The following ITGB1BP1 variants were observed in gnomAD, a reference collection of about 807,000 sequenced individuals.
ITGB1BP1 encodes integrin beta-1-binding protein 1.
Under a neutral mutation model 28.0 loss-of-function variants are expected in ITGB1BP1, and 20 were observed. The ratio of observed to expected loss-of-function variants is 0.71; its 90% CI spans 0.50 to 1.04. The LOEUF (loss-of-function observed/expected upper bound fraction) is 1.04, where lower values mean the gene tolerates loss of function less well. ITGB1BP1 is among the 50% of genes least tolerant of loss of function. The pLI, the probability that ITGB1BP1 is intolerant of heterozygous loss-of-function variation, is 0.00. For missense variants in ITGB1BP1, 228 were observed against 242.5 expected (o/e 0.94, Z 0.40); for synonymous variants, 103 against 89.5 (o/e 1.15, Z -0.85).
At chr2:9,421,888 C>T (rs369351662) in intron 1 of ITGB1BP1, among the ~76,000 whole-genome samples, 1 of 151,982 alleles carries the variant, frequency 6.6e-6, no homozygotes, top group African/African-American at 2.4e-5. Flanking sequence ...TCATGATTTC[C>T]TTGCTGTCCT....
At chr2:9,414,485 C>A (rs769958909) in intron 2 of ITGB1BP1, among the ~76,000 whole-genome samples, 1 of 152,158 alleles carries the variant, frequency 6.6e-6, no homozygotes, top group Non-Finnish European at 1.5e-5. Context: ...GACATAATAT[C>A]GGATAAATGC....
chr2:9,423,114 T>C, intron 1 of ITGB1BP1: 1 of 1,011,946 alleles, frequency 9.9e-7, no homozygotes, highest in Non-Finnish European at 1.2e-6. Context: ...GCCGCCCGCC[T>C]TGCCGCCCCT....
At chr2:9,414,751 A>G (rs920126007) in intron 2 of ITGB1BP1, among the ~76,000 whole-genome samples, 2 of 152,188 alleles carry the variant, frequency 1.3e-5, no homozygotes, top group Non-Finnish European at 2.9e-5. Flanking sequence ...TAGGTCTCTA[A>G]TTCTAGGTCT....
At chr2:9,416,011 C>A (rs1362345551) in intron 2 of ITGB1BP1, among the ~76,000 whole-genome samples, 6 of 152,192 alleles carry the variant, frequency 3.9e-5, no homozygotes, top group Admixed American at 1.3e-4. Context: ...CTGTGCCTCA[C>A]CCCGGTCCTG....
At chr2:9,410,566 A>C (rs940798797) in intron 4 of ITGB1BP1, among the ~76,000 whole-genome samples, 1 of 152,098 alleles carries the variant, frequency 6.6e-6, no homozygotes, top group Admixed American at 6.6e-5. Flanking sequence ...CAGCCTCCCG[A>C]GTAGCTGGGA....
chr2:9,408,412 G>A (rs1434719045), intron 4 of ITGB1BP1: 4 of 514,072 alleles, frequency 7.8e-6, no homozygotes, highest in Non-Finnish European at 1.4e-5. Flanking sequence ...TTTTGAGACA[G>A]AGTCTCACTC....
chr2:9,415,175 T>G lies in ITGB1BP1; in HGVS notation c.73-919A>C, dbSNP rs1420421119. 6.6e-6 allele frequency among the ~76,000 whole-genome samples: 1 copy of G among 152,146 alleles called. No individual in the cohort carries two copies. The highest frequency in any genetic ancestry group is 2.4e-5 in the African/African-American group (1 of 41,428). On this transcript the variant is annotated intron_variant, in intron 2 of 6. Coordinates refer to ENST00000355346, the MANE Select transcript of ITGB1BP1 (RefSeq NM_004763.5). The surrounding 1 kb of genome is among the most constrained non-coding windows in gnomAD (Gnocchi z 4.1). ...GGGTGGATCACCTGAGGTCAGGAGT[T>G]CGAGACCAGCCTGGCCAACATGGTA...
chr2:9,418,757 G>A, intron 1 of ITGB1BP1, 25 bp from the exon 2 acceptor site: 1 of 1,358,984 alleles, frequency 7.4e-7, no homozygotes, highest in Non-Finnish European at 1.0e-6. Flanking sequence ...ATTGGTAACA[G>A]TTACATCGGG....
chr2:9,407,840 A>C (rs1677738472), intron 5 of ITGB1BP1, among the ~76,000 whole-genome samples: 1 of 151,496 alleles, frequency 6.6e-6, no homozygotes, highest in South Asian at 2.1e-4. Flanking sequence ...AGCTGCTCTT[A>C]ATTGATGAGG....
chr2:9,422,836 G>A (rs1163945457), intron 1 of ITGB1BP1: 4 of 985,934 alleles, frequency 4.1e-6, no homozygotes, highest in Non-Finnish European at 4.8e-6. Flanking sequence ...CCTTTCAAAC[G>A]AGGATGCCAA....
At position 9,403,486 on chromosome 2, in the gene ITGB1BP1, C is replaced by T. The variant is rs1676926835; in HGVS notation, c.*3348G>A. ...AAACTCAGAGGCAATTTTTACATAT[C>T]AGTAATTGTTTTTATAATTTGTGGT... On this transcript the variant is annotated 3_prime_UTR_variant, in exon 7 of 7. Transcript: ENST00000355346. The T allele has an allele frequency of 5.0e-6, 3 of 596,754 alleles. No individual in the cohort carries two copies. In the South Asian group the frequency reaches 7.1e-5, roughly 14 times the overall value. 37.0% of individuals were successfully genotyped at this position (596,754 alleles called of 1,614,324 possible). A position where few individuals can be genotyped will look rare whatever the true frequency, so the allele number is the denominator to read the frequency against.
rs1303634435 is a variant in ITGB1BP1, at chr2:9,422,614, G to A, written c.-36+759C>T. On this transcript the variant is annotated intron_variant, in intron 1 of 6. Transcript: ENST00000355346. Reference sequence around the variant, plus strand: ...TCTGATCTCACTCTCCCAGCTGCACGCTGGTCAAAGGCGGAGCTCGGTGAC... The same window carrying A: ...TCTGATCTCACTCTCCCAGCTGCACACTGGTCAAAGGCGGAGCTCGGTGAC... 2.0e-5 allele frequency: 20 copies of A among 985,408 alleles called. No homozygotes were observed. The South Asian group carries it at 7.0e-4, about 35-fold the overall frequency. 61.0% of individuals were successfully genotyped at this position (985,408 alleles called of 1,614,324 possible).
chr2:9,407,210 C>A (rs1209380220), intron 6 of ITGB1BP1: 4 of 607,020 alleles, frequency 6.6e-6, no homozygotes, highest in Non-Finnish European at 1.2e-5. Context: ...TTTTCCTCAG[C>A]TGCTTTGTTT....
intron 3 of ITGB1BP1, 21 bp downstream of exon 3, chr2:9,414,157 T>G: frequency 6.2e-7 from 1 of 1,602,038 alleles, no homozygotes; most frequent in East Asian, 2.2e-5. Flanking sequence ...AGACAATCAA[T>G]GATCCAACCC....
chr2:9,412,131 G>A, intron 4 of ITGB1BP1, 138 bp downstream of exon 4: 1 of 698,358 alleles, frequency 1.4e-6, no homozygotes, highest in East Asian at 2.6e-5. Context: ...CACATGTGCG[G>A]TGGTGATGCG....
chr2:9,414,055 C>T (rs947021214), intron 3 of ITGB1BP1, 123 bp downstream of exon 3: 1 of 822,832 alleles, frequency 1.2e-6, no homozygotes, highest in East Asian at 2.4e-5. Context: ...AAACTCTTGT[C>T]AAAAGTGGCA....
chr2:9,420,101 C>T (rs969303090), intron 1 of ITGB1BP1: 2 of 959,798 alleles, frequency 2.1e-6, no homozygotes, highest in Non-Finnish European at 2.5e-6. Context: ...AACTACGCAC[C>T]TGATGAAGGA....
rs1353457489 is a variant in ITGB1BP1 at position 9,415,975 on chromosome 2, G to A, written c.73-1719C>T. ...GGCATCTCCTGAGGGGGCCTTGTGCGACCCTGCGAGACGCCTCCTTCTGTG... is the reference window on the plus strand; with the variant it reads ...GGCATCTCCTGAGGGGGCCTTGTGCAACCCTGCGAGACGCCTCCTTCTGTG... On this transcript the variant is annotated intron_variant, in intron 2 of 6. Coordinates refer to ENST00000355346, the MANE Select transcript of ITGB1BP1 (RefSeq NM_004763.5). The surrounding 1 kb of genome is among the most constrained non-coding windows in gnomAD (Gnocchi z 4.1). 2.0e-5 allele frequency among the ~76,000 whole-genome samples: 3 copies of A among 152,234 alleles called. No individual in the cohort carries two copies. The highest frequency in any genetic ancestry group is 4.4e-5 in the Non-Finnish European group (3 of 68,044).
intron 1 of ITGB1BP1, chr2:9,422,815 G>C: frequency 1.0e-6 from 1 of 986,264 alleles, no homozygotes; most frequent in Non-Finnish European, 1.2e-6. Context: ...CAAGGCTGCA[G>C]GATAACAGCC....
Sources: gnomAD v4.1 joint callset for allele counts (sites outside exome capture counted in the v4.1 genomes callset) on GRCh38, gnomAD v4.1.1 for gene constraint, Gnocchi (gnomAD v3.1) non-coding constraint, MANE v1.5 for transcripts, NCBI Gene and HGNC (gene_info 2026-07-23, HGNC 2026-07-21) for gene names.